Variants in DCLRE1B observed in about 807,000 individuals in gnomAD.
DCLRE1B encodes 5' exonuclease Apollo.
A neutral mutation model predicts 19.8 loss-of-function variants in DCLRE1B; 6 were observed. The ratio of observed to expected loss-of-function variants is 0.30; its 90% CI spans 0.17 to 0.60. DCLRE1B has a LOEUF of 0.60. Ranked by LOEUF, DCLRE1B falls within the 20% of genes least tolerant of loss-of-function variation. DCLRE1B has a pLI of 0.87. For missense variants in DCLRE1B, 622 were observed against 654.2 expected (o/e 0.95, Z 0.54); for synonymous variants, 258 against 255.7 (o/e 1.01, Z -0.09).
At position 113,911,236 on chromosome 1, in the gene DCLRE1B, G is replaced by A. The variant is rs762877194; in HGVS notation, c.644G>A (p.Gly215Asp). 1 of 1,614,140 alleles carries A rather than the reference G, an allele frequency of 6.2e-7. No homozygotes were observed. The highest frequency in any genetic ancestry group is 1.1e-5 in the South Asian group (1 of 91,084). The change falls in exon 4 of 4, where the codon GGC becomes GAC. Residue 215 changes from glycine to aspartate, a missense_variant. By Grantham distance (94) the Gly-to-Asp change is moderately conservative (BLOSUM62 -1). This residue lies in a region of DCLRE1B where 382 missense variants were observed against 412.5 expected (regional missense o/e 0.93). Transcript: ENST00000650450. ...CGCCTGGAGTTGGTACAGCTACTGG[G>A]CCTGGCAGATGTGTTCACAGTGGAG... ...PRRLELVQLL[G>D]LADVFTVEEK...
At position 113,908,087 on chromosome 1, in the gene DCLRE1B, A is replaced by G. The variant is rs769906263; in HGVS notation, c.434A>G (p.Asp145Gly). ...AAACAGATCCATACTTTATACCTAGACAACACCAATTGCAATCCAGCCCTG... is the reference window on the plus strand; with the variant it reads ...AAACAGATCCATACTTTATACCTAGGCAACACCAATTGCAATCCAGCCCTG... ...LGKQIHTLYL[D>G]NTNCNPALVL... Residue 145 changes from aspartate to glycine, a missense_variant, in exon 3 of 4, where the codon GAC becomes GGC. Asp to Gly is a moderately conservative substitution (Grantham distance 94). Transcript: ENST00000650450. The G allele has an allele frequency of 9.3e-6, 15 of 1,614,072 alleles. No individual in the cohort carries two copies. Among genetic ancestry groups the G allele is most frequent in the Non-Finnish European group, 1.3e-5 (15 of 1,180,032 alleles).
In DCLRE1B at chr1:113,911,936, G is replaced by A. The variant is rs1669276205; in HGVS notation, c.1344G>A (p.Arg448=). Residue 448 remains arginine (R), a synonymous_variant, in exon 4 of 4, where the codon AGG becomes AGA. Coordinates refer to ENST00000650450, the MANE Select transcript of DCLRE1B (RefSeq NM_022836.4). ...TDEEFISQKT[R]EEIGLGSPLV... ...AGGAGTTTATTTCTCAAAAAACCAG[G>A]GAGGAAATTGGTTTAGGGTCCCCCT... The A allele has an allele frequency of 6.2e-7, 1 of 1,614,182 alleles. No individual in the cohort carries two copies. The highest frequency in any genetic ancestry group is 8.5e-7 in the Non-Finnish European group (1 of 1,180,036).
intron 1 of DCLRE1B, 45 bp downstream of exon 1, chr1:113,905,820 G>T (rs1359149534): frequency 5.1e-6 from 8 of 1,563,020 alleles, no homozygotes; most frequent in African/African-American, 1.4e-5. Flanking sequence ...CAGGCATCTG[G>T]GTTGGGACTT....
chr1:113,908,900 A>T (rs1336561786), intron 3 of DCLRE1B, among the ~76,000 whole-genome samples: 1 of 152,212 alleles, frequency 6.6e-6, no homozygotes, highest in Non-Finnish European at 1.5e-5. Flanking sequence ...AGCAGTCAGT[A>T]TGACAGGCAC....
At chr1:113,907,212 T>G (rs748963258) in intron 2 of DCLRE1B, 51 bp downstream of exon 2, 21 of 1,002,672 alleles carry the variant, frequency 2.1e-5, no homozygotes, top group East Asian at 5.1e-5. Flanking sequence ...ATGTTTTTTT[T>G]TTTTTTTTTT....
intron 1 of DCLRE1B, among the ~76,000 whole-genome samples, chr1:113,906,345 A>C (rs1354139948): frequency 6.6e-6 from 1 of 151,942 alleles, no homozygotes; most frequent in Non-Finnish European, 1.5e-5. Flanking sequence ...AGCGTGAGCC[A>C]CCACGCCCCG....
At chr1:113,905,170 C>A (rs1004788811), upstream of DCLRE1B, 19 of 339,886 alleles carry the variant, frequency 5.6e-5, no homozygotes, top group Admixed American at 6.8e-4. Flanking sequence ...CCGGTCTCCC[C>A]GCGAGCGAGC....
At chr1:113,910,979 G>C in intron 3 of DCLRE1B, 152 bp from the exon 4 acceptor site, 1 of 713,650 alleles carries the variant, frequency 1.4e-6, no homozygotes, top group South Asian at 2.0e-5. Context: ...ATATGTCTTA[G>C]CTCAAATGCC....
In DCLRE1B at chr1:113,905,710, A is replaced by C; in HGVS notation, c.124A>C (p.Ser42Arg). ...MHSDHTVGLS[S>R]TWARPLYCSP... ...CTCGGACCACACCGTGGGCCTGTCT[A>C]GCACCTGGGCCCGGCCCCTCTACTG... Residue 42 changes from serine to arginine, a missense_variant, in exon 1 of 4, where the codon AGC becomes CGC. Transcript: ENST00000650450. 1.2e-6 allele frequency: 2 copies of C among 1,614,150 alleles called. No individual in the cohort carries two copies. Among genetic ancestry groups the C allele is most frequent in the Non-Finnish European group, 1.7e-6 (2 of 1,180,034 alleles).
At chr1:113,907,316 C>T (rs1326936840) in intron 2 of DCLRE1B, among the ~76,000 whole-genome samples, 155 bp downstream of exon 2, 1 of 149,148 alleles carries the variant, frequency 6.7e-6, no homozygotes, top group Admixed American at 6.7e-5. Flanking sequence ...CTTCAGCCTC[C>T]ACAGTAGCTA....
chr1:113,913,273 G>T lies in DCLRE1B; in HGVS notation c.*1082G>T, dbSNP rs1669333050. On this transcript the variant is annotated 3_prime_UTR_variant, in exon 4 of 4. Coordinates refer to ENST00000650450, the MANE Select transcript of DCLRE1B (RefSeq NM_022836.4). ...GTAGGCTCTGAGAGGGCACAGACTT[G>T]TGGAGCTGGGCGTCTGGATCAAAAC... The T allele has an allele frequency of 6.5e-6, 1 of 152,818 alleles. No individual in the cohort carries two copies. 9.5% of individuals were successfully genotyped at this position (152,818 alleles called of 1,614,324 possible).
At chr1:113,906,556 A>T (rs1326140456) in intron 1 of DCLRE1B, among the ~76,000 whole-genome samples, 61 of 144,644 alleles carry the variant, frequency 4.2e-4, no homozygotes, top group Admixed American at 3.7e-3. Context: ...AGTGGCGCAA[A>T]CTCGGCTCAC....
rs1190465354 is a variant in DCLRE1B, at chr1:113,912,212, A to G, written c.*21A>G. 1 of 1,577,086 alleles carries G rather than the reference A, an allele frequency of 6.3e-7. No homozygotes were observed. Among genetic ancestry groups the G allele is most frequent in the Non-Finnish European group, 8.6e-7 (1 of 1,163,306 alleles). ...GCTGAAGACAGGAGAGTACAGAATG[A>G]CAACATTGAGCCCACACTGCAGTTT... On this transcript the variant is annotated 3_prime_UTR_variant, in exon 4 of 4. Coordinates refer to ENST00000650450, the MANE Select transcript of DCLRE1B (RefSeq NM_022836.4).
At position 113,912,182 on chromosome 1, in the gene DCLRE1B, A is replaced by C; in HGVS notation, c.1590A>C (p.Lys530Asn). The change falls in exon 4 of 4, where the codon AAA becomes AAC. Residue 530 changes from lysine (K) to asparagine (N), a missense_variant. By Grantham distance (94) the Lys-to-Asn change is moderately conservative. Around this residue, in one of 3 missense-constraint regions of DCLRE1B, gnomAD observed 382 missense variants for 412.5 expected, o/e 0.93. Transcript: ENST00000650450. ...ACCAGCAAGTGGAAAAATACCATAA[A>C]CCCTGCTGAAGACAGGAGAGTACAG... ...RFDQQVEKYH[K>N]PC 1 of 1,610,408 alleles carries C rather than the reference A, an allele frequency of 6.2e-7. No individual in the cohort carries two copies. Among genetic ancestry groups the C allele is most frequent in the Non-Finnish European group, 8.5e-7 (1 of 1,178,680 alleles).
chr1:113,908,774 C>T (rs1238037158), intron 3 of DCLRE1B, among the ~76,000 whole-genome samples: 1 of 151,714 alleles, frequency 6.6e-6, no homozygotes, highest in African/African-American at 2.4e-5. Context: ...GTCTATCATG[C>T]ACTTCCTCTG....
upstream of DCLRE1B, chr1:113,904,715 CATCT>C (rs1267495729): frequency 6.2e-7 from 1 of 1,612,124 alleles, no homozygotes; most frequent in Admixed American, 1.7e-5. Context: ...CAAGGTACGG[CATCT>C]TCCTAAGAGT....
chr1:113,911,272 G>A lies in DCLRE1B; in HGVS notation c.680G>A (p.Gly227Asp). 6.2e-7 allele frequency: 1 copy of A among 1,614,008 alleles called. No homozygotes were observed. Among genetic ancestry groups the A allele is most frequent in the East Asian group, 2.2e-5 (1 of 44,888 alleles). ...GTGTTCACAGTGGAGGAGAAGGCTG[G>A]CCGCATCCATGCAGTAGACCATATG... ...ADVFTVEEKA[G>D]RIHAVDHMEI... The change falls in exon 4 of 4, where the codon GGC (glycine) becomes GAC (aspartate). Residue 227 changes from glycine (G) to aspartate (D), a missense_variant. Transcript: ENST00000650450.
chr1:113,905,703 C>G lies in DCLRE1B; in HGVS notation c.117C>G (p.Gly39=). Residue 39 remains glycine, a synonymous_variant, in exon 1 of 4, where the codon GGC becomes GGG. Transcript: ENST00000650450. The part of the protein sequence containing the change: ...LSHMHSDHTV[G]LSSTWARPLY... ...ACATGCACTCGGACCACACCGTGGG[C>G]CTGTCTAGCACCTGGGCCCGGCCCC... The G allele has an allele frequency of 6.2e-7, 1 of 1,614,200 alleles. No homozygotes were observed. Among genetic ancestry groups the G allele is most frequent in the Admixed American group, 1.7e-5 (1 of 60,024 alleles).
rs778045535 is a variant in DCLRE1B, at chr1:113,905,562, C to T, written c.-25C>T. On this transcript the variant is annotated 5_prime_UTR_variant, in exon 1 of 4. Transcript: ENST00000650450. Reference sequence around the variant, plus strand: ...AGCCCTGCCCCCGTGGAGAAGATCCCACTGGTGACTCCAACCCTACCACCA... The same window carrying T: ...AGCCCTGCCCCCGTGGAGAAGATCCTACTGGTGACTCCAACCCTACCACCA... 6.2e-7 allele frequency: 1 copy of T among 1,610,478 alleles called. No homozygotes were observed. Among genetic ancestry groups the T allele is most frequent in the South Asian group, 1.1e-5 (1 of 90,770 alleles).
Sources: allele counts gnomAD v4.1 joint callset (sites outside exome capture counted in the v4.1 genomes callset), GRCh38; gene constraint gnomAD v4.1.1; regional missense constraint gnomAD v4.1.1; transcripts MANE v1.5; gene names NCBI Gene and HGNC (gene_info 2026-07-23, HGNC 2026-07-21).